Variants in PDE6C observed in about 807,000 individuals in gnomAD.
PDE6C encodes the protein cone cGMP-specific 3',5'-cyclic phosphodiesterase subunit alpha'.
In PDE6C, 75 loss-of-function variants were observed where a neutral mutation model predicts 113.1. The ratio of observed to expected loss-of-function variants is 0.66; its 90% CI spans 0.55 to 0.80. The LOEUF is 0.80. Among genes scored for constraint, PDE6C ranks in the 30% least tolerant of loss-of-function variants. The pLI, the probability that PDE6C is intolerant of heterozygous loss-of-function variation, is 0.00. For synonymous variants in PDE6C, 375 were observed against 363.7 expected, an observed-to-expected ratio of 1.03 and a Z score of -0.35; for missense variants, 912 against 1,038.6, an observed-to-expected ratio of 0.88 and a Z score of 1.67.
chr10:93,631,733 T>C (rs1207650001), intron 8 of PDE6C, among the ~76,000 whole-genome samples: 2 of 152,228 alleles, frequency 1.3e-5, no homozygotes, highest in Admixed American at 6.5e-5. Context: ...GGCCCCACCC[T>C]GATTCTTACG....
At chr10:93,640,634 A>G in intron 13 of PDE6C, 77 bp downstream of exon 13, 1 of 1,012,088 alleles carries the variant, frequency 9.9e-7, no homozygotes, top group Non-Finnish European at 1.6e-6. Flanking sequence ...GGTATGGTCC[A>G]TCATTTTAGA....
chr10:93,622,247 G>T (rs1416415461), intron 4 of PDE6C, among the ~76,000 whole-genome samples, 175 bp downstream of exon 4: 2 of 151,196 alleles, frequency 1.3e-5, no homozygotes, highest in Admixed American at 6.6e-5. Context: ...CTTGAATCTT[G>T]GTTTTTCCAC....
chr10:93,629,943 C>G (rs929070436), intron 8 of PDE6C, among the ~76,000 whole-genome samples: 10 of 152,054 alleles, frequency 6.6e-5, no homozygotes, highest in African/African-American at 2.4e-4. Context: ...GATTGGGGAC[C>G]CCTGATCTAA....
chr10:93,615,651 G>C (rs186185662), intron 1 of PDE6C, among the ~76,000 whole-genome samples: 2 of 152,288 alleles, frequency 1.3e-5, no homozygotes, highest in East Asian at 3.9e-4. Flanking sequence ...CAAAGTGCTG[G>C]GATTACAGGC....
chr10:93,650,964 TTTAA>T (rs1394104651), intron 15 of PDE6C, among the ~76,000 whole-genome samples: 13 of 152,354 alleles, frequency 8.5e-5, no homozygotes, highest in South Asian at 2.1e-4. Context: ...TAATTCAACT[TTTAA>T]TTGAGTCCAG....
chr10:93,625,708 G>C, intron 5 of PDE6C, 59 bp downstream of exon 5: 1 of 1,188,728 alleles, frequency 8.4e-7, no homozygotes, highest in Non-Finnish European at 1.3e-6. Flanking sequence ...CTAAAATTAA[G>C]AGGCCACAGT....
rs577365569 is a variant in PDE6C at position 93,662,041 on chromosome 10, A to C, written c.2209-18A>C. On this transcript the variant is annotated intron_variant, in intron 18 of 21. Coordinates refer to ENST00000371447, the MANE Select transcript of PDE6C (RefSeq NM_006204.4). ...ATTCATAAGTGGATTTAGTGAACCA[A>C]GCCTTTCTCATTTGCAGGTAGCACT... 1 of 1,537,218 alleles carries C rather than the reference A, an allele frequency of 6.5e-7. No homozygotes were observed. The highest frequency in any genetic ancestry group is 9.0e-7 in the Non-Finnish European group (1 of 1,109,930).
intron 1 of PDE6C, 31 bp from the exon 2 acceptor site, chr10:93,620,601 A>C (rs1296483435): frequency 6.2e-7 from 1 of 1,612,946 alleles, no homozygotes; most frequent in East Asian, 2.2e-5. Flanking sequence ...ATTTTGTGCC[A>C]CTTTGACAAA....
intron 1 of PDE6C, among the ~76,000 whole-genome samples, chr10:93,618,711 A>T (rs2058431559): frequency 6.6e-6 from 1 of 152,250 alleles, no homozygotes; most frequent in South Asian, 2.1e-4. Context: ...GTAGGAGATT[A>T]GGATTCAGTG....
At chr10:93,664,550 T>C (rs2058681356) in intron 21 of PDE6C, among the ~76,000 whole-genome samples, 1 of 152,184 alleles carries the variant, frequency 6.6e-6, no homozygotes, top group South Asian at 2.1e-4. Context: ...AAACAATAAG[T>C]GATTTTTACC....
chr10:93,651,213 TG>T (rs2058608578), intron 15 of PDE6C, among the ~76,000 whole-genome samples: 1 of 152,182 alleles, frequency 6.6e-6, no homozygotes, highest in Non-Finnish European at 1.5e-5. Flanking sequence ...AGGAATGAGC[TG>T]GGGAAATCCT....
At chr10:93,621,890 A>T in intron 3 of PDE6C, 42 bp from the exon 4 acceptor site, 1 of 1,581,358 alleles carries the variant, frequency 6.3e-7, no homozygotes, top group Non-Finnish European at 8.7e-7. Context: ...TCTCCATAGC[A>T]TACTTTATTC....
At position 93,662,148 on chromosome 10, in the gene PDE6C, T is replaced by C; in HGVS notation, c.2283+15T>C. 1 of 1,516,804 alleles carries C rather than the reference T, an allele frequency of 6.6e-7. No homozygotes were observed. The highest frequency in any genetic ancestry group is 9.2e-7 in the Non-Finnish European group (1 of 1,091,342). The allele number at this position is 1,516,804 out of a possible 1,614,324, so 94.0% of individuals were successfully genotyped here. A position where few individuals can be genotyped will look rare whatever the true frequency, so the allele number is the denominator to read the frequency against. On this transcript the variant is annotated intron_variant, in intron 19 of 21. Coordinates refer to ENST00000371447, the MANE Select transcript of PDE6C (RefSeq NM_006204.4). Reference sequence around the variant, plus strand: ...AACAACCCATTGTAAGACCTTGACATAAAAATGTATTACTTATTAAAAGTT... The same window carrying C: ...AACAACCCATTGTAAGACCTTGACACAAAAATGTATTACTTATTAAAAGTT...
intron 15 of PDE6C, among the ~76,000 whole-genome samples, chr10:93,654,335 A>G (rs1403337052): frequency 6.6e-6 from 1 of 152,166 alleles, no homozygotes; most frequent in Non-Finnish European, 1.5e-5. Flanking sequence ...TGTGGTGCAG[A>G]GATTAGGAGC....
chr10:93,655,956 T>TCACA (rs2058636024), intron 16 of PDE6C, 96 bp downstream of exon 16: 8 of 787,546 alleles, frequency 1.0e-5, no homozygotes, highest in Non-Finnish European at 2.3e-6. Flanking sequence ...AGGCATTTAT[T>TCACA]CACACACATA....
rs1286879643 is a variant in PDE6C at position 93,640,075 on chromosome 10, G to A, written c.1488G>A (p.Glu496=). 6.2e-7 allele frequency: 1 copy of A among 1,614,112 alleles called. No homozygotes were observed. Among genetic ancestry groups the A allele is most frequent in the Non-Finnish European group, 8.5e-7 (1 of 1,179,956 alleles). The change falls in exon 12 of 22, where the codon GAG becomes GAA. Residue 496 remains glutamate, a synonymous_variant. Coordinates refer to ENST00000371447, the MANE Select transcript of PDE6C (RefSeq NM_006204.4). ...ACCCATCCTTATTTCAACAGAAAGA[G>A]GACTTGCCAGACCCACGCTCAGCAG... The part of the protein sequence containing the change: ...EEKQLVAILK[E]DLPDPRSAEL...
At chr10:93,659,916 C>A (rs572019470) in intron 18 of PDE6C, among the ~76,000 whole-genome samples, 1 of 152,192 alleles carries the variant, frequency 6.6e-6, no homozygotes, top group Non-Finnish European at 1.5e-5. Context: ...TATAAGAAGG[C>A]ACTGACTGTG....
intron 15 of PDE6C, among the ~76,000 whole-genome samples, chr10:93,650,056 C>T (rs1589702709): frequency 6.6e-6 from 1 of 152,308 alleles, no homozygotes; most frequent in South Asian, 2.1e-4. Flanking sequence ...TGTCCACTCC[C>T]AGCCCTAGGC....
At chr10:93,638,438 C>T (rs903085621) in intron 11 of PDE6C, among the ~76,000 whole-genome samples, 2 of 152,136 alleles carry the variant, frequency 1.3e-5, no homozygotes, top group African/African-American at 4.8e-5. Context: ...CCCAGAAGAC[C>T]ACCCTTTCTT....
Sources: gnomAD v4.1 joint callset for allele counts (sites outside exome capture counted in the v4.1 genomes callset) on GRCh38, gnomAD v4.1.1 for gene constraint, MANE v1.5 for transcripts, NCBI Gene and HGNC (gene_info 2026-07-23, HGNC 2026-07-21) for gene names.